The following NOMO2 variants were observed in gnomAD, a reference collection of about 807,000 sequenced individuals.
NOMO2 encodes NODAL modulator 2, also known as BOS complex subunit NOMO2.
Under a neutral mutation model 67.1 loss-of-function variants are expected in NOMO2, and 14 were observed. The ratio of observed to expected loss-of-function variants is 0.21; its 90% CI spans 0.14 to 0.33. The LOEUF is 0.33. NOMO2 is among the 10% of genes least tolerant of loss of function. NOMO2 has a pLI of 1.00. For synonymous variants in NOMO2, 80 were observed against 305.9 expected (o/e 0.26, Z 7.71); for missense variants, 178 against 761.0 (o/e 0.23, Z 9.01).
Position 18,554,818 on chromosome 16 carries a change from C to G in NOMO2, c.290G>C (p.Gly97Ala). The change falls in exon 3 of 31, where the codon GGG (glycine) becomes GCG (alanine). Residue 97 changes from glycine to alanine, a missense_variant. Coordinates refer to ENST00000622306, the MANE Select transcript of NOMO2 (RefSeq NM_173614.4). ...DFILKIEPPL[G>A]WSFEPTTVEL... ...TTCAGTTAACTTACCAAAACTCCAC[C>G]CTAGGGGAGGCTCAATCTTCAGAAT... The G allele has an allele frequency of 5.8e-6, 2 of 344,462 alleles. No individual in the cohort carries two copies. The highest frequency in any genetic ancestry group is 1.3e-3 in the Middle Eastern group (2 of 1,578). The allele number at this position is 344,462 out of a possible 1,614,324, so 21.3% of individuals were successfully genotyped here. A position where few individuals can be genotyped will look rare whatever the true frequency, so the allele number is the denominator to read the frequency against.
Position 18,561,865 on chromosome 16 carries a change from C to T in NOMO2, c.165+11G>A. On this transcript the variant is annotated intron_variant, in intron 1 of 30. Transcript: ENST00000622306. ...GGCGACTCGGCGCCGGGCGGCGGGG[C>T]GGGCGCTCACCTCGATGAGCGAGTA... 1.3e-6 allele frequency: 2 copies of T among 1,548,216 alleles called. No individual in the cohort carries two copies. The highest frequency in any genetic ancestry group is 2.5e-5 in the East Asian group (1 of 40,500).
At chr16:18,531,723 G>A in intron 12 of NOMO2, 116 bp from the exon 13 acceptor site, 3 of 1,552,618 alleles carry the variant, frequency 1.9e-6, no homozygotes, top group Non-Finnish European at 2.6e-6. Context: ...GAAGGCCAAA[G>A]GTTCGTTTCC....
At chr16:18,550,632 G>A (rs71238319) in intron 4 of NOMO2, among the ~76,000 whole-genome samples, 83 of 152,058 alleles carry the variant, frequency 5.5e-4, no homozygotes, top group African/African-American at 1.5e-3. Flanking sequence ...AATCTGAATC[G>A]CGGGAGCTGG....
At chr16:18,555,531 T>TATTGTACATC (rs1901883558) in intron 2 of NOMO2, among the ~76,000 whole-genome samples, 1 of 150,808 alleles carries the variant, frequency 6.6e-6, no homozygotes, top group Non-Finnish European at 1.5e-5. Flanking sequence ...GGAGATCCTG[T>TATTGTACATC]CTCTAAACAA....
Position 18,529,336 on chromosome 16 carries a change from T to C in NOMO2, c.1806+165A>G. On this transcript the variant is annotated intron_variant, in intron 15 of 30. Coordinates refer to ENST00000622306, the MANE Select transcript of NOMO2 (RefSeq NM_173614.4). The stretch of plus-strand genomic sequence containing the variant: ...TACAGGGGTCCTTCCACTGAGAGAG[T>C]ATAAATGCTTCCTGATTATGCGTTG... 3 of 1,221,178 alleles carry C rather than the reference T, an allele frequency of 2.5e-6. 1 individual carries two copies. Among genetic ancestry groups the C allele is most frequent in the South Asian group, 2.7e-5 (2 of 74,298 alleles). The allele number at this position is 1,221,178 out of a possible 1,614,324, so 75.6% of individuals were successfully genotyped here.
intron 11 of NOMO2, among the ~76,000 whole-genome samples, chr16:18,534,228 A>G (rs1370126972): frequency 2.0e-5 from 3 of 151,844 alleles, no homozygotes; most frequent in Non-Finnish European, 4.4e-5. Context: ...CAGCCATATG[A>G]GCTCACTATC....
intron 11 of NOMO2, among the ~76,000 whole-genome samples, chr16:18,536,160 G>C (rs1291715529): frequency 1.3e-5 from 2 of 152,096 alleles, no homozygotes; most frequent in African/African-American, 4.8e-5. Flanking sequence ...CCCAAAGCAA[G>C]GCTACAAGGC....
Position 18,561,199 on chromosome 16 carries a change from A to AC in NOMO2, c.165+676_165+677insG, listed in dbSNP as rs1902041523. On this transcript the variant is annotated intron_variant, in intron 1 of 30. Transcript: ENST00000622306. ...AAAAAAAAAAAAAAAAAAAAAAAAA[A>AC]AAAAAAAACCTTTACAAATCTCTAG... 2.0e-5 allele frequency among the ~76,000 whole-genome samples: 3 copies of AC among 147,020 alleles called. No individual in the cohort carries two copies. In the South Asian group the frequency reaches 6.5e-4, roughly 32 times the overall value.
At position 18,533,074 on chromosome 16, in the gene NOMO2, CA is replaced by C; in HGVS notation, c.1325del (p.Leu442TrpfsTer25). The C allele has an allele frequency of 6.2e-7, 1 of 1,606,888 alleles. No homozygotes were observed. The highest frequency in any genetic ancestry group is 8.5e-7 in the Non-Finnish European group (1 of 1,178,922). ...VLSSQDKDKS[L>X]VTVETDAHGS... ...CATGAGCATCTGTCTCCACGGTGACCAAAGACTTGTCCTTGTCTTGAGATGA... is the reference window on the plus strand; with the variant it reads ...CATGAGCATCTGTCTCCACGGTGACCAAGACTTGTCCTTGTCTTGAGATGA... On this transcript the variant is annotated frameshift_variant, in exon 12 of 31. Coordinates refer to ENST00000622306, the MANE Select transcript of NOMO2 (RefSeq NM_173614.4). LOFTEE classifies it high-confidence loss of function.
chr16:18,554,273 A>AT lies in NOMO2; in HGVS notation c.301+533dup, dbSNP rs1901855477. On this transcript the variant is annotated intron_variant, in intron 3 of 30. Coordinates refer to ENST00000622306, the MANE Select transcript of NOMO2 (RefSeq NM_173614.4). ...CCAAGTACCCAGTGGGGCAGGGACT[A>AT]TATCTACCCTTGCTCGACAGTGAGG... Among the ~76,000 whole-genome samples the AT allele has an allele frequency of 7.9e-5, 12 of 152,134 alleles. No individual in the cohort carries two copies. The South Asian group carries it at 2.5e-3, about 32-fold the overall frequency.
chr16:18,542,630 G>C lies in NOMO2; in HGVS notation c.837C>G (p.Phe279Leu). The C allele has an allele frequency of 1.0e-6, 1 of 963,668 alleles. No individual in the cohort carries two copies. The highest frequency in any genetic ancestry group is 2.4e-5 in the East Asian group (1 of 42,152). The allele number at this position is 963,668 out of a possible 1,614,324, so 59.7% of individuals were successfully genotyped here. A position where few individuals can be genotyped will look rare whatever the true frequency, so the allele number is the denominator to read the frequency against. Reference protein sequence around the residue: ...CYTVSREDGSFSFYSLPSGGY... With the variant: ...CYTVSREDGSLSFYSLPSGGY... The stretch of plus-strand genomic sequence containing the variant: ...CCCCACTTGGCAAGGAATAGAAAGA[G>C]AACGAGCCATCTTCTCTGGAGACCG... The change falls in exon 8 of 31, where the codon TTC becomes TTG. Residue 279 changes from phenylalanine to leucine, a missense_variant. By Grantham distance (22) the Phe-to-Leu change is conservative. Coordinates refer to ENST00000622306, the MANE Select transcript of NOMO2 (RefSeq NM_173614.4).
At chr16:18,543,213 C>T (rs1433137765) in intron 7 of NOMO2, among the ~76,000 whole-genome samples, 164 of 147,142 alleles carry the variant, frequency 1.1e-3, no homozygotes, top group Non-Finnish European at 1.7e-3. Flanking sequence ...GAGTCTCACT[C>T]TGTCACCCAG....
chr16:18,557,878 A>C (rs1290270122), intron 1 of NOMO2, 87 bp from the exon 2 acceptor site: 52 of 1,592,324 alleles, frequency 3.3e-5, no homozygotes, highest in Non-Finnish European at 4.0e-5. Flanking sequence ...CTCAGTCAGT[A>C]TACATTCACT....
intron 12 of NOMO2, 26 bp downstream of exon 12, chr16:18,532,979 T>C (rs202043654): frequency 6.4e-7 from 1 of 1,557,776 alleles, no homozygotes; most frequent in Non-Finnish European, 8.7e-7. Context: ...CTCAAAACAT[T>C]TTAAATTTAA....
intron 11 of NOMO2, among the ~76,000 whole-genome samples, chr16:18,534,036 T>C (rs375172707): frequency 1.8e-4 from 28 of 152,032 alleles, no homozygotes; most frequent in Non-Finnish European, 2.4e-4. Context: ...TTAGTTACTT[T>C]TGACATAAAG....
chr16:18,528,286 T>G (rs1901195927), intron 15 of NOMO2, among the ~76,000 whole-genome samples: 1 of 151,432 alleles, frequency 6.6e-6, no homozygotes, highest in Non-Finnish European at 1.5e-5. Flanking sequence ...AAAAGGATCT[T>G]ATTACAAGAG....
At chr16:18,530,095 G>T (rs1457886142) in intron 14 of NOMO2, among the ~76,000 whole-genome samples, 1 of 114,432 alleles carries the variant, frequency 8.7e-6, no homozygotes, top group African/African-American at 3.1e-5. Flanking sequence ...TCCGGCCTGG[G>T]TGACAGAGCG....
chr16:18,524,698 G>A (rs1901105892), intron 16 of NOMO2, 146 bp from the exon 17 acceptor site: 1 of 649,044 alleles, frequency 1.5e-6, no homozygotes, highest in South Asian at 1.9e-5. Context: ...GAAATACTGG[G>A]CAGGCATCGT....
chr16:18,559,114 G>C (rs1259864834), intron 1 of NOMO2, among the ~76,000 whole-genome samples: 3 of 151,824 alleles, frequency 2.0e-5, no homozygotes, highest in Non-Finnish European at 2.9e-5. Flanking sequence ...GGTGAGCTAT[G>C]ATGGTGCCAC....
Sources: allele counts gnomAD v4.1 joint callset (sites outside exome capture counted in the v4.1 genomes callset), GRCh38; gene constraint gnomAD v4.1.1; transcripts MANE v1.5; gene names NCBI Gene and HGNC (gene_info 2026-07-23, HGNC 2026-07-21).